PDS5A: variants seen among roughly 807,000 people sequenced by gnomAD.
The protein encoded by PDS5A is sister chromatid cohesion protein PDS5 homolog A.
A neutral mutation model predicts 167.1 loss-of-function variants in PDS5A; 42 were observed. The observed-to-expected ratio is 0.25, with a 90% CI of 0.20 to 0.33. The LOEUF (loss-of-function observed/expected upper bound fraction) is 0.33, where lower values mean the gene tolerates loss of function less well. Among genes scored for constraint, PDS5A ranks in the 10% least tolerant of loss-of-function variants. The pLI is 1.00. For synonymous variants in PDS5A, 553 were observed against 554.6 expected, an observed-to-expected ratio of 1.00 and a Z score of 0.04; for missense variants, 1,033 against 1,605.9, an observed-to-expected ratio of 0.64 and a Z score of 6.10.
At position 39,977,898 on chromosome 4, in the gene PDS5A, G is replaced by GCGCGAGAGCA. The variant is rs930142884; in HGVS notation, c.-492_-483dup. On this transcript the variant is annotated 5_prime_UTR_variant, in exon 1 of 33. Transcript: ENST00000303538. This position sits in a 1 kb window ranked among gnomAD's most constrained non-coding sequence, Gnocchi z 4.2. Reference sequence around the variant, plus strand: ...CACACACCGGCCGGTCACGCGAGCGGCGCGAGAGCACGCGAGAGCAGCGCG... The same window carrying GCGCGAGAGCA: ...CACACACCGGCCGGTCACGCGAGCGGCGCGAGAGCACGCGAGAGCACGCGAGAGCAGCGCG... 2.0e-5 allele frequency: 3 copies of GCGCGAGAGCA among 151,254 alleles called. No homozygotes were observed. Among genetic ancestry groups the GCGCGAGAGCA allele is most frequent in the South Asian group, 2.1e-4 (1 of 4,836 alleles). The allele number at this position is 151,254 out of a possible 1,614,324, so 9.4% of individuals were successfully genotyped here. A position where few individuals can be genotyped will look rare whatever the true frequency, so the allele number is the denominator to read the frequency against.
chr4:39,876,977 G>GA lies in PDS5A; in HGVS notation c.2153+15dup, dbSNP rs563700950. 59 of 1,590,392 alleles carry GA rather than the reference G, an allele frequency of 3.7e-5. No homozygotes were observed. Among genetic ancestry groups the GA allele is most frequent in the Non-Finnish European group, 5.0e-5 (58 of 1,166,456 alleles). On this transcript the variant is annotated intron_variant, in intron 19 of 32. Transcript: ENST00000303538. ...AGAAACTTTTGTATTTACCACGGGA[G>GA]AAAAAATGTACTCACGATCGTATCT...
chr4:39,872,330 C>G (rs1397178421), intron 21 of PDS5A, among the ~76,000 whole-genome samples: 1 of 151,964 alleles, frequency 6.6e-6, no homozygotes, highest in Non-Finnish European at 1.5e-5. Flanking sequence ...CTGCCGTCAC[C>G]ACACCCGGCT....
rs560048918 is a variant in PDS5A at position 39,940,703 on chromosome 4, C to A, written c.139-12539G>T. Among the ~76,000 whole-genome samples the A allele has an allele frequency of 4.0e-5, 6 of 149,258 alleles. No individual in the cohort carries two copies. The East Asian group carries it at 1.2e-3, about 29-fold the overall frequency. Reference sequence around the variant, plus strand: ...TGGAGACAGGGTCTTGCTTTGTCACCCAGGCTGGAGCGCAGAGGCGCTCAC... The same window carrying A: ...TGGAGACAGGGTCTTGCTTTGTCACACAGGCTGGAGCGCAGAGGCGCTCAC... On this transcript the variant is annotated intron_variant, in intron 2 of 32. Coordinates refer to ENST00000303538, the MANE Select transcript of PDS5A (RefSeq NM_001100399.2).
intron 27 of PDS5A, 80 bp downstream of exon 27, chr4:39,849,438 CAA>C (rs33909953): frequency 0.013 from 6,338 of 475,224 alleles, no homozygotes; most frequent in South Asian, 0.021. Flanking sequence ...TACGTATGGC[CAA>C]AAAAAAAAAA....
chr4:39,839,650 T>A (rs1578580296), intron 31 of PDS5A, among the ~76,000 whole-genome samples: 1 of 150,250 alleles, frequency 6.7e-6, no homozygotes, highest in Middle Eastern at 3.4e-3. Flanking sequence ...AACTGCATAA[T>A]CCTAGTATAT....
At chr4:39,867,149 T>C in intron 22 of PDS5A, 152 bp from the exon 23 acceptor site, 1 of 582,922 alleles carries the variant, frequency 1.7e-6, no homozygotes, top group Non-Finnish European at 2.9e-6. Context: ...CAATACGAAC[T>C]AATATTTACT....
chr4:39,851,267 A>G (rs1388001105), intron 26 of PDS5A, among the ~76,000 whole-genome samples: 1 of 152,076 alleles, frequency 6.6e-6, no homozygotes. Flanking sequence ...AATAAGAAAA[A>G]TCGTCACCAT....
At chr4:39,841,706 C>T (rs182792033) in intron 31 of PDS5A, among the ~76,000 whole-genome samples, 12 of 152,150 alleles carry the variant, frequency 7.9e-5, no homozygotes, top group Non-Finnish European at 1.5e-4. Context: ...GAGATGATTA[C>T]AGGTGTAAGC....
At chr4:39,879,511 G>T (rs920000278) in intron 18 of PDS5A, among the ~76,000 whole-genome samples, 3 of 152,076 alleles carry the variant, frequency 2.0e-5, no homozygotes, top group African/African-American at 7.2e-5. Context: ...GCATGGAAAT[G>T]ATAAACAGTG....
chr4:39,859,810 T>C (rs1035003764), intron 26 of PDS5A, among the ~76,000 whole-genome samples: 7 of 152,204 alleles, frequency 4.6e-5, no homozygotes, highest in Admixed American at 2.0e-4. Context: ...CTGGGAGTGC[T>C]AGATGGGCAG....
chr4:39,904,583 C>T (rs767462285), intron 11 of PDS5A, among the ~76,000 whole-genome samples: 6 of 152,208 alleles, frequency 3.9e-5, no homozygotes, highest in South Asian at 4.1e-4. Flanking sequence ...CCGCCCGCCT[C>T]GGCCCCCCAA....
At chr4:39,833,957 G>A (rs1415155730) in intron 32 of PDS5A, among the ~76,000 whole-genome samples, 1 of 152,170 alleles carries the variant, frequency 6.6e-6, no homozygotes, top group Non-Finnish European at 1.5e-5. Context: ...TGGATAGAAA[G>A]TCTAGACAAG....
intron 31 of PDS5A, among the ~76,000 whole-genome samples, chr4:39,839,286 C>T (rs539606656): frequency 2.6e-4 from 40 of 151,724 alleles, no homozygotes; most frequent in African/African-American, 9.4e-4. Context: ...AAAAATGTAA[C>T]GTCGGGCGGG....
chr4:39,861,558 GTTAACAATAATTTAT>G (rs532215847), intron 26 of PDS5A, among the ~76,000 whole-genome samples: 56 of 152,314 alleles, frequency 3.7e-4, no homozygotes, highest in African/African-American at 1.3e-3. Flanking sequence ...GGTGACTATA[GTTAACAATAATTTAT>G]TTGTATTTTA....
At position 39,838,153 on chromosome 4, in the gene PDS5A, T is replaced by C. The variant is rs773524060; in HGVS notation, c.3713A>G (p.Lys1238Arg). The C allele has an allele frequency of 6.2e-7, 1 of 1,613,408 alleles. No individual in the cohort carries two copies. Among genetic ancestry groups the C allele is most frequent in the Non-Finnish European group, 8.5e-7 (1 of 1,179,680 alleles). Residue 1238 changes from lysine (K) to arginine (R), a missense_variant, in exon 32 of 33, where the codon AAA becomes AGA. This residue lies in a region of PDS5A where 233 missense variants were observed against 264.0 expected (regional missense o/e 0.88). Coordinates refer to ENST00000303538, the MANE Select transcript of PDS5A (RefSeq NM_001100399.2). ...QGNISSDRGKKRTVTAAGAEN... is the reference protein window; with the variant it reads ...QGNISSDRGKRRTVTAAGAEN... ...TGCACCAGCTGCTGTTACTGTTCTT[T>C]TCTTTCCTCGGTCACTGCTGATGTT...
chr4:39,837,965 C>T lies in PDS5A; in HGVS notation c.3901G>A (p.Val1301Met), dbSNP rs115575413. 8.8e-4 allele frequency: 1,419 copies of T among 1,614,048 alleles called. 6 individuals are homozygous for T. The African/African-American group carries it at 0.016, about 18-fold the overall frequency. ...AAACCCCCAGGGCTCTCCTGACCCA[C>T]TGCAGCTCTCTTCCTTCCCTTGTTA... ...PINKGRKRAA[V>M]GQESPGGLEA... Residue 1301 changes from valine to methionine, a missense_variant, in exon 32 of 33, where the codon GTG (valine) becomes ATG (methionine). Coordinates refer to ENST00000303538, the MANE Select transcript of PDS5A (RefSeq NM_001100399.2).
intron 2 of PDS5A, among the ~76,000 whole-genome samples, chr4:39,947,113 A>T (rs1464648569): frequency 6.6e-6 from 1 of 152,148 alleles, no homozygotes; most frequent in Admixed American, 6.6e-5. Flanking sequence ...TATGTTTTTT[A>T]AAAATCCTAT....
chr4:39,976,603 G>A lies in PDS5A; in HGVS notation c.-26C>T. 1.3e-6 allele frequency: 2 copies of A among 1,591,118 alleles called. No individual in the cohort carries two copies. The highest frequency in any genetic ancestry group is 1.7e-6 in the Non-Finnish European group (2 of 1,163,850). ...CCTGGGGGACAACTTTTGGTTCACA[G>A]TCCTCTACCGGCCTCTATCGGTCAG... is the stretch of plus-strand genomic sequence containing the variant. On this transcript the variant is annotated 5_prime_UTR_variant, in exon 2 of 33. Coordinates refer to ENST00000303538, the MANE Select transcript of PDS5A (RefSeq NM_001100399.2).
intron 2 of PDS5A, among the ~76,000 whole-genome samples, chr4:39,958,217 A>G (rs752950010): frequency 2.6e-5 from 4 of 151,912 alleles, no homozygotes; most frequent in Non-Finnish European, 5.9e-5. Context: ...AACAAAAACA[A>G]CACATAAGGC....
Sources: gnomAD v4.1 joint callset for allele counts (sites outside exome capture counted in the v4.1 genomes callset) on GRCh38, gnomAD v4.1.1 for gene constraint, gnomAD v4.1.1 regional missense constraint, Gnocchi (gnomAD v3.1) non-coding constraint, MANE v1.5 for transcripts, NCBI Gene and HGNC (gene_info 2026-07-23, HGNC 2026-07-21) for gene names.